Variants in SVIL observed in about 807,000 individuals in gnomAD.
The protein encoded by SVIL is supervillin.
In SVIL, 101 loss-of-function variants were observed where a neutral mutation model predicts 240.4. That is an observed-to-expected ratio of 0.42 (90% CI 0.36 to 0.50). The LOEUF (loss-of-function observed/expected upper bound fraction) is 0.50. SVIL is among the 20% of genes least tolerant of loss of function. The pLI is 0.01. For missense variants in SVIL, 2,512 were observed against 2,818.7 expected (o/e 0.89, Z 2.46); for synonymous variants, 999 against 1,100.0 (o/e 0.91, Z 1.82).
chr10:29,609,255 T>C (rs890338416), intron 1 of SVIL, among the ~76,000 whole-genome samples: 4 of 152,188 alleles, frequency 2.6e-5, no homozygotes, highest in African/African-American at 9.7e-5. Flanking sequence ...CGCTGAGCTG[T>C]GGGTGGTGAC....
At chr10:29,501,279 A>C (rs1234834331) in intron 17 of SVIL, among the ~76,000 whole-genome samples, 1 of 151,502 alleles carries the variant, frequency 6.6e-6, no homozygotes, top group Non-Finnish European at 1.5e-5. Flanking sequence ...ATATTGTATC[A>C]ACATTAACTT....
Position 29,527,704 on chromosome 10 carries a change from T to G in SVIL, c.2247-648A>C, listed in dbSNP as rs1449764298. On this transcript the variant is annotated intron_variant, in intron 12 of 37. Coordinates refer to ENST00000355867, the MANE Select transcript of SVIL (RefSeq NM_021738.3). ...CCTCCCAAAGTGCTGGGATTACAGGTGTAAGCCACTGGGCCCAGCCTTTTT... is the reference window on the plus strand; with the variant it reads ...CCTCCCAAAGTGCTGGGATTACAGGGGTAAGCCACTGGGCCCAGCCTTTTT... Among the ~76,000 whole-genome samples the G allele has an allele frequency of 1.5e-4, 22 of 147,658 alleles. 1 individual carries two copies. In the Admixed American group the frequency reaches 1.5e-3, roughly 10 times the overall value.
intron 1 of SVIL, among the ~76,000 whole-genome samples, chr10:29,617,061 G>C (rs1375567509): frequency 6.6e-6 from 1 of 152,106 alleles, no homozygotes; most frequent in Non-Finnish European, 1.5e-5. Context: ...AGATGAGTCT[G>C]CACAAACAAA....
intron 1 of SVIL, among the ~76,000 whole-genome samples, chr10:29,710,539 T>C (rs1206954620): frequency 1.3e-5 from 2 of 152,214 alleles, no homozygotes; most frequent in African/African-American, 4.8e-5. Context: ...TTTAGACATC[T>C]CACTGTCAAA....
chr10:29,473,785 C>T, intron 30 of SVIL, 53 bp downstream of exon 30: 1 of 1,610,754 alleles, frequency 6.2e-7, no homozygotes, highest in South Asian at 1.1e-5. Flanking sequence ...CATCGGCTCC[C>T]AGGAGAGGAT....
At chr10:29,536,186 T>C (rs750171095) in intron 6 of SVIL, 117 bp from the exon 7 acceptor site, 3 of 947,040 alleles carry the variant, frequency 3.2e-6, no homozygotes, top group Non-Finnish European at 4.9e-6. Flanking sequence ...TCCTCACTTA[T>C]AAGTGGGAGT....
At chr10:29,670,679 A>G (rs1959698340) in intron 2 of SVIL, among the ~76,000 whole-genome samples, 1 of 152,204 alleles carries the variant, frequency 6.6e-6, no homozygotes, top group African/African-American at 2.4e-5. Flanking sequence ...ATGAAGCTGC[A>G]TTTCATCTAG....
chr10:29,633,705 T>A (rs566457466), intron 1 of SVIL, among the ~76,000 whole-genome samples: 1 of 152,142 alleles, frequency 6.6e-6, no homozygotes, highest in African/African-American at 2.4e-5. Context: ...ATAAGCCTTC[T>A]ATGTTCTAGA....
In SVIL at chr10:29,471,241, G is replaced by T. The variant is rs1171465397; in HGVS notation, c.5532C>A (p.Val1844=). 1 of 1,609,200 alleles carries T rather than the reference G, an allele frequency of 6.2e-7. No homozygotes were observed. Residue 1844 remains valine, a splice_region_variant and synonymous_variant, in exon 31 of 38, where the codon GTC becomes GTA. Coordinates refer to ENST00000355867, the MANE Select transcript of SVIL (RefSeq NM_021738.3). The part of the protein sequence containing the change: ...VELDEERGAQ[V]QVLQGKEPPC... ...GGGGCTCCTTTCCCTGGAGAACCTG[G>T]ACCTTCCGATTTAAACAGAGGTAAA...
intron 1 of SVIL, among the ~76,000 whole-genome samples, chr10:29,627,485 T>TC (rs1163436534): frequency 6.6e-6 from 1 of 152,178 alleles, no homozygotes; most frequent in Non-Finnish European, 1.5e-5. Context: ...CCAGATAAAA[T>TC]CTTCCTCCTG....
intron 36 of SVIL, among the ~76,000 whole-genome samples, chr10:29,459,531 C>G (rs1424619149): frequency 6.6e-6 from 1 of 152,134 alleles, no homozygotes; most frequent in East Asian, 1.9e-4. Flanking sequence ...ATCACACCCC[C>G]CTTCCCTCCC....
intron 1 of SVIL, among the ~76,000 whole-genome samples, chr10:29,629,816 A>T (rs1806898513): frequency 6.8e-6 from 1 of 147,160 alleles, no homozygotes; most frequent in Admixed American, 7.0e-5. Flanking sequence ...CTGCCTCTAG[A>T]ATTTTTTTTT....
At chr10:29,679,160 G>T (rs2132580764) in intron 2 of SVIL, among the ~76,000 whole-genome samples, 1 of 152,306 alleles carries the variant, frequency 6.6e-6, no homozygotes, top group Non-Finnish European at 1.5e-5. Flanking sequence ...AGCAGAGATT[G>T]TGCCACTGCA....
chr10:29,609,393 G>C (rs1008694246), intron 1 of SVIL, among the ~76,000 whole-genome samples: 3 of 152,176 alleles, frequency 2.0e-5, no homozygotes, highest in African/African-American at 4.8e-5. Context: ...CCACATGATG[G>C]GAAACAGCAG....
intron 2 of SVIL, among the ~76,000 whole-genome samples, chr10:29,676,789 C>T (rs1960238605): frequency 6.6e-6 from 1 of 152,160 alleles, no homozygotes; most frequent in Non-Finnish European, 1.5e-5. Context: ...TTGGCATTTG[C>T]CTAGGATGTA....
In SVIL at chr10:29,484,330, G is replaced by GC. The variant is rs1947184756; in HGVS notation, c.4955+325dup. On this transcript the variant is annotated intron_variant, in intron 27 of 37. Transcript: ENST00000355867. This position sits in a 1 kb window ranked among gnomAD's most constrained non-coding sequence, Gnocchi z 4.7. ...AGACCCGGGGAAGCCTTTCAGATCCGCATGTAATTTGTTTAAACAATTGCT... is the reference window on the plus strand; with the variant it reads ...AGACCCGGGGAAGCCTTTCAGATCCGCCATGTAATTTGTTTAAACAATTGCT... 6.6e-6 allele frequency among the ~76,000 whole-genome samples: 1 copy of GC among 152,082 alleles called. No homozygotes were observed. The highest frequency in any genetic ancestry group is 1.5e-5 in the Non-Finnish European group (1 of 68,002).
chr10:29,556,161 A>C (rs1953914306), intron 3 of SVIL, among the ~76,000 whole-genome samples: 2 of 152,178 alleles, frequency 1.3e-5, no homozygotes, highest in Non-Finnish European at 2.9e-5. Context: ...TCTTTGGAGA[A>C]ATGGCCAAAG....
intron 3 of SVIL, among the ~76,000 whole-genome samples, chr10:29,653,046 G>C (rs1015973898): frequency 2.0e-5 from 3 of 149,416 alleles, no homozygotes; most frequent in East Asian, 2.0e-4. Context: ...GACCAAGCTG[G>C]TCTCAAACTC....
intron 1 of SVIL, among the ~76,000 whole-genome samples, chr10:29,617,258 T>A (rs1957459109): frequency 6.6e-6 from 1 of 152,228 alleles, no homozygotes; most frequent in Non-Finnish European, 1.5e-5. Context: ...AAATTATTAA[T>A]AACATTTGTA....
Sources: gnomAD v4.1 joint callset for allele counts (sites outside exome capture counted in the v4.1 genomes callset) on GRCh38, gnomAD v4.1.1 for gene constraint, Gnocchi (gnomAD v3.1) non-coding constraint, MANE v1.5 for transcripts, NCBI Gene and HGNC (gene_info 2026-07-23, HGNC 2026-07-21) for gene names.